RYR1: variants seen among roughly 807,000 people sequenced by gnomAD.
RYR1 encodes the protein ryanodine receptor 1, also known as central core disease of muscle.
In RYR1, 342 loss-of-function variants were observed where a neutral mutation model predicts 583.5. The observed-to-expected ratio is 0.59, with a 90% confidence interval of 0.54 to 0.64. The LOEUF (loss-of-function observed/expected upper bound fraction) is 0.64, where lower values mean the gene tolerates loss of function less well. Ranked by LOEUF, RYR1 falls within the 30% of genes least tolerant of loss-of-function variation. RYR1 has a pLI of 0.00. For missense variants in RYR1, 6,032 were observed against 6,917.2 expected (o/e 0.87, Z 4.54); for synonymous variants, 2,791 against 2,822.5 (o/e 0.99, Z 0.35).
In RYR1 at chr19:38,534,877, C is replaced by T. The variant is rs1433410948; in HGVS notation, c.11359+58C>T. The stretch of plus-strand genomic sequence containing the variant: ...GTGCACTCATCCTAACCTCACTCCT[C>T]CTGGCTCGCCCATTCCCTGTGGACC... On this transcript the variant is annotated intron_variant, in intron 79 of 105. Transcript: ENST00000359596. The T allele has an allele frequency of 3.3e-6, 5 of 1,536,322 alleles. No homozygotes were observed. In the African/African-American group the frequency reaches 6.8e-5, roughly 21 times the overall value.
At chr19:38,473,248 G>C in intron 27 of RYR1, 129 bp from the exon 28 acceptor site, 1 of 1,177,042 alleles carries the variant, frequency 8.5e-7, no homozygotes, top group Non-Finnish European at 1.3e-6. Flanking sequence ...CAGGAGTGGG[G>C]GGCCCTTGAC....
chr19:38,544,914 C>T (rs1374074706), intron 87 of RYR1, among the ~76,000 whole-genome samples: 1 of 152,098 alleles, frequency 6.6e-6, no homozygotes, highest in African/African-American at 2.4e-5. Flanking sequence ...TATTACAGAT[C>T]CAGGGCTTAG....
At chr19:38,544,979 C>T (rs776723537) in intron 87 of RYR1, among the ~76,000 whole-genome samples, 15 of 152,082 alleles carry the variant, frequency 9.9e-5, no homozygotes, top group Non-Finnish European at 2.1e-4. Flanking sequence ...CAGGCTGTCT[C>T]CCTGGGCTGG....
chr19:38,543,688 G>A lies in RYR1; in HGVS notation c.11907+28G>A, dbSNP rs1414748955. On this transcript the variant is annotated intron_variant, in intron 86 of 105. Coordinates refer to ENST00000359596, the MANE Select transcript of RYR1 (RefSeq NM_000540.3). The surrounding 1 kb of genome is among the most constrained non-coding windows in gnomAD (Gnocchi z 4.4). ...AGGGCGCTCCCCCTGGGGCGGGAGT[G>A]GGAAGGGAGGGGGTCCCGCATCGTG... 6.2e-7 allele frequency: 1 copy of A among 1,612,388 alleles called. No individual in the cohort carries two copies. Among genetic ancestry groups the A allele is most frequent in the Non-Finnish European group, 8.5e-7 (1 of 1,179,994 alleles).
chr19:38,501,137 TGAAAAC>T, intron 47 of RYR1, 147 bp downstream of exon 47: 1 of 795,858 alleles, frequency 1.3e-6, no homozygotes, highest in South Asian at 1.6e-5. Context: ...AGATAGAAAA[TGAAAAC>T]GAAGAAACAC....
chr19:38,492,723 A>G, intron 38 of RYR1, 87 bp downstream of exon 38: 1 of 1,388,602 alleles, frequency 7.2e-7, no homozygotes, highest in Non-Finnish European at 9.9e-7. Flanking sequence ...AGAGGGCATG[A>G]GGACAGATGC....
intron 17 of RYR1, 96 bp from the exon 18 acceptor site, chr19:38,457,955 C>A: frequency 7.8e-7 from 1 of 1,274,512 alleles, no homozygotes; most frequent in Non-Finnish European, 1.1e-6. Context: ...CTCTCTCTCT[C>A]TGTCTTTGGA....
chr19:38,574,250 A>C (rs1973855218), intron 96 of RYR1, among the ~76,000 whole-genome samples: 1 of 144,884 alleles, frequency 6.9e-6, no homozygotes, highest in Admixed American at 7.1e-5. Context: ...ACAGAGCGAG[A>C]CTCCATCTGA....
chr19:38,484,686 T>C lies in RYR1; in HGVS notation c.4935-904T>C, dbSNP rs139765277. 7.1e-4 allele frequency among the ~76,000 whole-genome samples: 108 copies of C among 152,234 alleles called. 1 individual carries two copies. The East Asian group carries it at 0.019, about 27-fold the overall frequency. ...TTAATTTATTCATTCAACAAATATT[T>C]ATGGGTACAGTGGCTCATGTTTGTA... On this transcript the variant is annotated intron_variant, in intron 33 of 105. Coordinates refer to ENST00000359596, the MANE Select transcript of RYR1 (RefSeq NM_000540.3).
rs1171075530 is a variant in RYR1 at position 38,473,612 on chromosome 19, T to G, written c.4001T>G (p.Leu1334Arg). The G allele has an allele frequency of 6.4e-7, 1 of 1,570,604 alleles. No homozygotes were observed. The highest frequency in any genetic ancestry group is 2.3e-5 in the East Asian group (1 of 42,620). Reference sequence around the variant, plus strand: ...GAACCCGACCCTGACTACGAAAACCTGCGCCGCTCAGCTGGGGGCTGGAGC... The same window carrying G: ...GAACCCGACCCTGACTACGAAAACCGGCGCCGCTCAGCTGGGGGCTGGAGC... ...AAEPDPDYEN[L>R]RRSAGGWSEA... Residue 1334 changes from leucine (L) to arginine (R), a missense_variant, in exon 28 of 106, where the codon CTG (leucine) becomes CGG (arginine). By Grantham distance (102) the Leu-to-Arg change is moderately radical. Around this residue, in one of 11 missense-constraint regions of RYR1, gnomAD observed 2,627 missense variants for 2,961.3 expected, o/e 0.89. Transcript: ENST00000359596.
chr19:38,543,997 C>G lies in RYR1; in HGVS notation c.12012+122C>G. On this transcript the variant is annotated intron_variant, in intron 87 of 105. Coordinates refer to ENST00000359596, the MANE Select transcript of RYR1 (RefSeq NM_000540.3). This position sits in a 1 kb window ranked among gnomAD's most constrained non-coding sequence, Gnocchi z 4.4. ...GCTCCCGGCATGTTCCAGACTGGTT[C>G]CCTCTCAGTGGCCAAATCCATCCTC... is the stretch of plus-strand genomic sequence containing the variant. 3.1e-6 allele frequency: 3 copies of G among 974,034 alleles called. No homozygotes were observed. The highest frequency in any genetic ancestry group is 3.0e-4 in the Middle Eastern group (1 of 3,320). 60.3% of individuals were successfully genotyped at this position (974,034 alleles called of 1,614,324 possible).
intron 57 of RYR1, 108 bp from the exon 58 acceptor site, chr19:38,507,604 C>G: frequency 1.3e-6 from 1 of 781,258 alleles, no homozygotes; most frequent in Non-Finnish European, 2.3e-6. Context: ...TGGGGTGAAG[C>G]CAAAGCTGAT....
intron 5 of RYR1, 148 bp downstream of exon 5, chr19:38,443,944 A>G: frequency 6.0e-6 from 5 of 834,772 alleles, no homozygotes; most frequent in South Asian, 2.9e-5. Flanking sequence ...GGTACAGTCC[A>G]GACAGGGAGA....
chr19:38,494,498 G>T lies in RYR1; in HGVS notation c.6421G>T (p.Ala2141Ser), dbSNP rs1064796405. ...LGELLRALPR[A>S]YTISPSSVED... The stretch of plus-strand genomic sequence containing the variant: ...TGAGCTGCTGCGTGCCCTGCCGCGG[G>T]CGTACACCATCTCACCGTCCTCCGT... Residue 2141 changes from alanine (A) to serine (S), a missense_variant, in exon 39 of 106, where the codon GCG becomes TCG. This residue lies in a region of RYR1 where 2,627 missense variants were observed against 2,961.3 expected (regional missense o/e 0.89). Coordinates refer to ENST00000359596, the MANE Select transcript of RYR1 (RefSeq NM_000540.3). 3 of 1,613,486 alleles carry T rather than the reference G, an allele frequency of 1.9e-6. No individual in the cohort carries two copies. The highest frequency in any genetic ancestry group is 2.2e-5 in the East Asian group (1 of 44,880).
At chr19:38,457,917 C>A in intron 17 of RYR1, 134 bp from the exon 18 acceptor site, 1 of 937,296 alleles carries the variant, frequency 1.1e-6, no homozygotes, top group Non-Finnish European at 1.7e-6. Flanking sequence ...ATTCTTCCTC[C>A]ATGTCTTTCT....
Position 38,502,613 on chromosome 19 carries a change from A to C in RYR1, c.7721A>C (p.His2574Pro), listed in dbSNP as rs1970182812. ...KCAPLFAGTEHRAIMVDSMLH... is the reference protein window; with the variant it reads ...KCAPLFAGTEPRAIMVDSMLH... The stretch of plus-strand genomic sequence containing the variant: ...GCGCCGCTCTTTGCGGGCACAGAAC[A>C]CCGCGCCATCATGGTGGACTCTATG... Residue 2574 changes from histidine to proline, a missense_variant, in exon 48 of 106, where the codon CAC becomes CCC. Around this residue, in one of 11 missense-constraint regions of RYR1, gnomAD observed 250 missense variants for 162.3 expected, o/e 1.54. Coordinates refer to ENST00000359596, the MANE Select transcript of RYR1 (RefSeq NM_000540.3). 6.2e-7 allele frequency: 1 copy of C among 1,611,512 alleles called. No individual in the cohort carries two copies. The highest frequency in any genetic ancestry group is 8.5e-7 in the Non-Finnish European group (1 of 1,179,660).
At chr19:38,530,486 T>C (rs1274793081) in intron 76 of RYR1, among the ~76,000 whole-genome samples, 1 of 150,078 alleles carries the variant, frequency 6.7e-6, no homozygotes, top group East Asian at 2.0e-4. Context: ...CCCAGGCCGG[T>C]CTCAAACTCC....
Position 38,564,947 on chromosome 19 carries a change from C to G in RYR1, c.12625-12C>G. On this transcript the variant is annotated splice_polypyrimidine_tract_variant and intron_variant, in intron 90 of 105. Coordinates refer to ENST00000359596, the MANE Select transcript of RYR1 (RefSeq NM_000540.3). ...GACGGCGCCCTATCCTGTCTGCCGC[C>G]CCTCGCTTCAGGTGAAGGAGTCCAA... 2 of 1,569,438 alleles carry G rather than the reference C, an allele frequency of 1.3e-6. No homozygotes were observed. The highest frequency in any genetic ancestry group is 2.7e-5 in the African/African-American group (2 of 74,230).
intron 83 of RYR1, among the ~76,000 whole-genome samples, chr19:38,537,513 C>G (rs940191451): frequency 1.3e-5 from 2 of 152,142 alleles, no homozygotes; most frequent in Non-Finnish European, 2.9e-5. Flanking sequence ...CATTAACCTC[C>G]ACGGTCTGAA....
Sources: allele counts gnomAD v4.1 joint callset (sites outside exome capture counted in the v4.1 genomes callset), GRCh38; gene constraint gnomAD v4.1.1; regional missense constraint gnomAD v4.1.1; non-coding constraint Gnocchi (gnomAD v3.1); transcripts MANE v1.5; gene names NCBI Gene and HGNC (gene_info 2026-07-23, HGNC 2026-07-21).